Variants in ZNF875 observed in about 807,000 individuals in gnomAD.
ZNF875 encodes the protein zinc finger protein 875, also known as HKR1, GLI-Kruppel zinc finger family member.
Under a neutral mutation model 11.2 loss-of-function variants are expected in ZNF875, and 14 were observed. The observed-to-expected ratio is 1.26, with a 90% CI of 0.83 to 1.96. The LOEUF is 1.96. Ranked by LOEUF, ZNF875 falls within the 30% of genes most tolerant of loss-of-function variation. ZNF875 has a pLI of 0.00. For missense variants in ZNF875, 752 were observed against 760.4 expected, an observed-to-expected ratio of 0.99 and a Z score of 0.13; for synonymous variants, 301 against 281.1, an observed-to-expected ratio of 1.07 and a Z score of -0.71.
upstream of ZNF875, among the ~76,000 whole-genome samples, chr19:37,316,357 A>ATATT (rs1335417925): frequency 6.6e-6 from 1 of 152,016 alleles, no homozygotes; most frequent in Non-Finnish European, 1.5e-5. Flanking sequence ...CATTTCCTTT[A>ATATT]TATTTATTTA....
rs759825105 is a variant in ZNF875, at chr19:37,362,615, A to G, written c.763A>G (p.Met255Val). ...QKTQTGETPY[M>V]YTEWGDSFGS... Reference sequence around the variant, plus strand: ...GACACAAACTGGGGAGACACCTTACATGTACACTGAGTGGGGAGACAGCTT... The same window carrying G: ...GACACAAACTGGGGAGACACCTTACGTGTACACTGAGTGGGGAGACAGCTT... The change falls in exon 5 of 5, where the codon ATG becomes GTG. Residue 255 changes from methionine (M) to valine (V), a missense_variant. Coordinates refer to ENST00000392153, the MANE Select transcript of ZNF875 (RefSeq NM_001353803.2). 1.2e-6 allele frequency: 2 copies of G among 1,613,782 alleles called. No homozygotes were observed. The highest frequency in any genetic ancestry group is 1.3e-5 in the African/African-American group (1 of 74,924).
upstream of ZNF875, among the ~76,000 whole-genome samples, chr19:37,329,965 G>A (rs905287435): frequency 6.6e-5 from 10 of 152,092 alleles, no homozygotes; most frequent in Admixed American, 3.3e-4. Flanking sequence ...TAAATGCTGT[G>A]TCTTTCTAAG....
At chr19:37,326,792 C>G (rs1299500570) in intron 4 of ZNF875, among the ~76,000 whole-genome samples, 1 of 151,348 alleles carries the variant, frequency 6.6e-6, no homozygotes, top group Non-Finnish European at 1.5e-5. Context: ...CTCAGCCTCC[C>G]GAGTACCCGG....
At chr19:37,356,179 T>C (rs1018051256) in intron 4 of ZNF875, among the ~76,000 whole-genome samples, 1 of 152,238 alleles carries the variant, frequency 6.6e-6, no homozygotes. Context: ...CAGTCCACTA[T>C]TGATGGGCCT....
intron 2 of ZNF875, among the ~76,000 whole-genome samples, chr19:37,339,190 A>G (rs1482274453): frequency 6.6e-6 from 1 of 151,906 alleles, no homozygotes; most frequent in Non-Finnish European, 1.5e-5. Flanking sequence ...ATATGCGCTC[A>G]CACCCCTGCA....
chr19:37,361,817 T>G (rs1179872720), intron 4 of ZNF875, among the ~76,000 whole-genome samples: 1 of 151,876 alleles, frequency 6.6e-6, no homozygotes, highest in African/African-American at 2.4e-5. Flanking sequence ...CTCGGGAGGC[T>G]AAGGCAGGAG....
At chr19:37,341,224 A>G (rs2035655813) in intron 2 of ZNF875, among the ~76,000 whole-genome samples, 1 of 152,248 alleles carries the variant, frequency 6.6e-6, no homozygotes, top group African/African-American at 2.4e-5. Flanking sequence ...CCTTTGCTGT[A>G]TAATGAACAA....
At chr19:37,337,934 G>A (rs2034852512) in intron 2 of ZNF875, among the ~76,000 whole-genome samples, 1 of 152,140 alleles carries the variant, frequency 6.6e-6, no homozygotes, top group Non-Finnish European at 1.5e-5. Context: ...ATTTAGACAG[G>A]AAAAGAGATT....
chr19:37,317,952 T>C (rs2030369700), exon 1 of ZNF875: 1 of 155,452 alleles, frequency 6.4e-6, no homozygotes. Flanking sequence ...GCCAGTGTGA[T>C]TCCGCAGTCT....
At chr19:37,327,145 A>C (rs1390963244) in intron 4 of ZNF875, among the ~76,000 whole-genome samples, 1 of 151,780 alleles carries the variant, frequency 6.6e-6, no homozygotes, top group Non-Finnish European at 1.5e-5. Flanking sequence ...GGTGCCCACC[A>C]CCATGCCCAG....
At chr19:37,343,226 A>G (rs772873278) in intron 2 of ZNF875, among the ~76,000 whole-genome samples, 9 of 152,050 alleles carry the variant, frequency 5.9e-5, no homozygotes, top group Non-Finnish European at 1.0e-4. Context: ...AGTCCCAGCT[A>G]CTTGGGAGGC....
At chr19:37,344,199 A>G (rs537488396) in intron 2 of ZNF875, among the ~76,000 whole-genome samples, 5 of 152,332 alleles carry the variant, frequency 3.3e-5, no homozygotes, top group South Asian at 4.1e-4. Context: ...GGGAGGAGAG[A>G]GGGGACTGTA....
At chr19:37,351,180 T>C (rs1232162503) in intron 4 of ZNF875, among the ~76,000 whole-genome samples, 2 of 152,196 alleles carry the variant, frequency 1.3e-5, no homozygotes, top group East Asian at 3.8e-4. Flanking sequence ...TTTAAATTTG[T>C]GTATTTTAAT....
At chr19:37,324,017 G>T (rs115351908) in intron 3 of ZNF875, among the ~76,000 whole-genome samples, 1 of 152,210 alleles carries the variant, frequency 6.6e-6, no homozygotes, top group Non-Finnish European at 1.5e-5. Flanking sequence ...GGTGATTAGA[G>T]CCAATGATCC....
In ZNF875 at chr19:37,347,855, C is replaced by T. The variant is rs777504944; in HGVS notation, c.239C>T (p.Pro80Leu). Residue 80 changes from proline (P) to leucine (L), a missense_variant, in exon 4 of 5, where the codon CCA becomes CTA. By Grantham distance (98) the Pro-to-Leu change is moderately conservative. Coordinates refer to ENST00000392153, the MANE Select transcript of ZNF875 (RefSeq NM_001353803.2). ...CCCTGGAGAGAGGAGAGAAAATGTC[C>T]ACTGGACCTCTGTCCAGGTGAGTGT... is the stretch of plus-strand genomic sequence containing the variant. Reference protein sequence around the residue: ...EAPWREERKCPLDLCPESKPE... With the variant: ...EAPWREERKCLLDLCPESKPE... 3.7e-6 allele frequency: 6 copies of T among 1,602,698 alleles called. No individual in the cohort carries two copies. Among genetic ancestry groups the T allele is most frequent in the South Asian group, 1.1e-5 (1 of 90,852 alleles).
At chr19:37,350,799 C>CTTTTTTTTTTTTTTT (rs61142979) in intron 4 of ZNF875, among the ~76,000 whole-genome samples, 1 of 91,266 alleles carries the variant, frequency 1.1e-5, no homozygotes, top group Non-Finnish European at 2.1e-5. Flanking sequence ...ATTCTTTTTG[C>CTTTTTTTTTTTTTTT]TTTTTTTTTT....
At chr19:37,323,593 T>TA (rs2031894132) in intron 3 of ZNF875, 2 of 152,218 alleles carry the variant, frequency 1.3e-5, no homozygotes, top group African/African-American at 2.4e-5. Flanking sequence ...TTTCAATAGT[T>TA]ACACCAAGAA....
At chr19:37,333,468 A>G (rs946677356), upstream of ZNF875, among the ~76,000 whole-genome samples, 17 of 152,142 alleles carry the variant, frequency 1.1e-4, no homozygotes. Context: ...GCTGATACCC[A>G]ACATGCAAAC....
intron 2 of ZNF875, among the ~76,000 whole-genome samples, chr19:37,342,088 A>G (rs17243193): frequency 0.21 from 32,339 of 152,206 alleles, 3,889 homozygotes; most frequent in Middle Eastern, 0.3. Flanking sequence ...TGTCGGTGCT[A>G]TGGGACAATG....
Sources: gnomAD v4.1 joint callset for allele counts (sites outside exome capture counted in the v4.1 genomes callset) on GRCh38, gnomAD v4.1.1 for gene constraint, MANE v1.5 for transcripts, NCBI Gene and HGNC (gene_info 2026-07-23, HGNC 2026-07-21) for gene names.